The following CLPTM1L variants were observed in gnomAD, a reference collection of about 807,000 sequenced individuals.
The protein encoded by CLPTM1L is lipid scramblase CLPTM1L.
In CLPTM1L, 38 loss-of-function variants were observed where a neutral mutation model predicts 70.9. The observed-to-expected ratio is 0.54, with a 90% CI of 0.41 to 0.70. The LOEUF is 0.70. Among genes scored for constraint, CLPTM1L ranks in the 30% least tolerant of loss-of-function variants. The pLI, the probability that CLPTM1L is intolerant of heterozygous loss-of-function variation, is 0.00. For synonymous variants in CLPTM1L, 339 were observed against 299.9 expected (o/e 1.13, Z -1.35); for missense variants, 652 against 705.9 (o/e 0.92, Z 0.87).
At chr5:1,337,321 C>G (rs1371032236) in intron 5 of CLPTM1L, among the ~76,000 whole-genome samples, 1 of 152,252 alleles carries the variant, frequency 6.6e-6, no homozygotes, top group African/African-American at 2.4e-5. Context: ...CACATTTCAT[C>G]TCCTCTCAAA....
chr5:1,343,308 G>C (rs1016162093), intron 2 of CLPTM1L, among the ~76,000 whole-genome samples: 1 of 152,166 alleles, frequency 6.6e-6, no homozygotes, highest in African/African-American at 2.4e-5. Context: ...TCTCTCTTCA[G>C]GCAGAGGGTG....
Position 1,344,397 on chromosome 5 carries a change from G to A in CLPTM1L, c.217C>T (p.Leu73=), listed in dbSNP as rs11557118. 3.1e-6 allele frequency: 5 copies of A among 1,613,882 alleles called. No homozygotes were observed. Among genetic ancestry groups the A allele is most frequent in the South Asian group, 1.1e-5 (1 of 91,088 alleles). Residue 73 remains leucine (L), a synonymous_variant, in exon 2 of 17, where the codon CTG becomes TTG. Transcript: ENST00000320895. ...TCAAAGTCTTCCACATTCAAGACCA[G>A]GTCGATGTTGTTCTCAGCACCCAGG... ...SHLGAENNID[L]VLNVEDFDVE...
Position 1,342,454 on chromosome 5 carries a change from C to A in CLPTM1L, c.264-594G>T, listed in dbSNP as rs907420057. Among the ~76,000 whole-genome samples, 1 of 152,188 alleles carries A rather than the reference C, an allele frequency of 6.6e-6. No homozygotes were observed. Among genetic ancestry groups the A allele is most frequent in the African/African-American group, 2.4e-5 (1 of 41,438 alleles). On this transcript the variant is annotated intron_variant, in intron 2 of 16. Coordinates refer to ENST00000320895, the MANE Select transcript of CLPTM1L (RefSeq NM_030782.5). The surrounding 1 kb of genome is among the most constrained non-coding windows in gnomAD (Gnocchi z 4.3). ...CAGCACGAGCTGAGGAAAGGCCCGG[C>A]GAGCTGCTACAACTGTAGGCCTCGG...
intron 1 of CLPTM1L, 71 bp from the exon 2 acceptor site, chr5:1,344,522 G>C (rs1344016441): frequency 1.3e-6 from 2 of 1,506,456 alleles, no homozygotes; most frequent in Admixed American, 1.8e-5. Context: ...CCCACGGCCA[G>C]CTGGAGGGCG....
At chr5:1,326,756 C>CGGGG (rs1561234135) in intron 9 of CLPTM1L, among the ~76,000 whole-genome samples, 4 of 151,192 alleles carry the variant, frequency 2.6e-5, no homozygotes, top group Admixed American at 6.6e-5. Context: ...TCCTCCTCTA[C>CGGGG]AGGGACAATC....
At chr5:1,331,612 T>C (rs1184277260) in intron 8 of CLPTM1L, 187 bp downstream of exon 8, 18 of 608,246 alleles carry the variant, frequency 3.0e-5, no homozygotes, top group Admixed American at 2.6e-4. Flanking sequence ...CCTCTGATGG[T>C]CCCACCACAA....
intron 5 of CLPTM1L, among the ~76,000 whole-genome samples, chr5:1,335,547 G>C (rs1276483120): frequency 6.6e-6 from 1 of 152,270 alleles, no homozygotes; most frequent in African/African-American, 2.4e-5. Context: ...GCTGAGCTTG[G>C]CCTGCAGAGC....
At chr5:1,337,792 C>A in intron 5 of CLPTM1L, 112 bp downstream of exon 5, 1 of 856,990 alleles carries the variant, frequency 1.2e-6, no homozygotes. Flanking sequence ...GGTAAAAGCA[C>A]CGTGTCAAAT....
intron 2 of CLPTM1L, 114 bp from the exon 3 acceptor site, chr5:1,341,974 A>G (rs1753963579): frequency 4.8e-6 from 4 of 841,502 alleles, no homozygotes; most frequent in Non-Finnish European, 5.5e-6. Context: ...CAGAAGTACT[A>G]AAAATGAAAC....
rs923961209 is a variant in CLPTM1L at position 1,332,519 on chromosome 5, G to A, written c.892-636C>T. Among the ~76,000 whole-genome samples the A allele has an allele frequency of 5.3e-5, 8 of 152,306 alleles. No individual in the cohort carries two copies. In the East Asian group the frequency reaches 5.8e-4, roughly 11 times the overall value. On this transcript the variant is annotated intron_variant, in intron 7 of 16. Coordinates refer to ENST00000320895, the MANE Select transcript of CLPTM1L (RefSeq NM_030782.5). ...CTCCCAGGCACTCAGAACCAGTGCC[G>A]GCCGCACTCCTGGGTGCCGCCTAAC... is the stretch of plus-strand genomic sequence containing the variant.
chr5:1,322,637 C>T (rs1353056585), intron 13 of CLPTM1L, among the ~76,000 whole-genome samples: 1 of 152,252 alleles, frequency 6.6e-6, no homozygotes, highest in East Asian at 1.9e-4. Flanking sequence ...TGTGAGCACT[C>T]CCTGTCGCTT....
At chr5:1,328,484 C>A in intron 9 of CLPTM1L, among the ~76,000 whole-genome samples, 1 of 150,010 alleles carries the variant, frequency 6.7e-6, no homozygotes, top group Non-Finnish European at 1.5e-5. Flanking sequence ...ACATTCCATC[C>A]AGCTCCTCCT....
At chr5:1,336,336 CTG>C (rs1428886510) in intron 5 of CLPTM1L, among the ~76,000 whole-genome samples, 1 of 152,224 alleles carries the variant, frequency 6.6e-6, no homozygotes, top group East Asian at 1.9e-4. Flanking sequence ...ATGAGAGAGA[CTG>C]TGATTTGGGG....
intron 3 of CLPTM1L, among the ~76,000 whole-genome samples, chr5:1,341,323 G>C (rs970686190): frequency 2.0e-5 from 3 of 152,218 alleles, no homozygotes; most frequent in African/African-American, 7.2e-5. Flanking sequence ...CATCCCCAGA[G>C]CTCCTGGTGA....
chr5:1,322,740 C>A (rs1030050005), intron 13 of CLPTM1L, 137 bp downstream of exon 13: 1 of 873,364 alleles, frequency 1.1e-6, no homozygotes, highest in Non-Finnish European at 1.9e-6. Flanking sequence ...GGGCACCGCA[C>A]ATGTGCCAGA....
At chr5:1,331,396 G>A (rs913564252) in intron 8 of CLPTM1L, 9 of 246,014 alleles carry the variant, frequency 3.7e-5, no homozygotes, top group African/African-American at 2.0e-4. Context: ...CGCTGGTCGG[G>A]GAAGGAACAC....
intron 3 of CLPTM1L, 34 bp downstream of exon 3, chr5:1,341,637 C>T: frequency 6.4e-7 from 1 of 1,556,510 alleles, no homozygotes; most frequent in Non-Finnish European, 8.8e-7. Context: ...CGGAGAGGCA[C>T]AGCCTGTTAT....
Position 1,344,898 on chromosome 5 carries a change from C to G in CLPTM1L, c.-57G>C. 1.0e-6 allele frequency: 1 copy of G among 972,178 alleles called. No homozygotes were observed. The highest frequency in any genetic ancestry group is 1.2e-6 in the Non-Finnish European group (1 of 812,002). The allele number at this position is 972,178 out of a possible 1,614,324, so 60.2% of individuals were successfully genotyped here. A position where few individuals can be genotyped will look rare whatever the true frequency, so the allele number is the denominator to read the frequency against. ...CCGCCTCTCAGCCGCGAGCCCCGCCCGCCCGGCGCCCAGCCCGCCGCTCCG... is the reference window on the plus strand; with the variant it reads ...CCGCCTCTCAGCCGCGAGCCCCGCCGGCCCGGCGCCCAGCCCGCCGCTCCG... On this transcript the variant is annotated 5_prime_UTR_variant, in exon 1 of 17. Coordinates refer to ENST00000320895, the MANE Select transcript of CLPTM1L (RefSeq NM_030782.5).
intron 7 of CLPTM1L, chr5:1,332,456 T>A (rs1329204101): frequency 1.3e-5 from 2 of 152,426 alleles, no homozygotes; most frequent in Non-Finnish European, 2.9e-5. Context: ...AATTCTCTAG[T>A]ACGGCTTTGG....
Sources: gnomAD v4.1 joint callset for allele counts (sites outside exome capture counted in the v4.1 genomes callset) on GRCh38, gnomAD v4.1.1 for gene constraint, Gnocchi (gnomAD v3.1) non-coding constraint, MANE v1.5 for transcripts, NCBI Gene and HGNC (gene_info 2026-07-23, HGNC 2026-07-21) for gene names.